CNTN4: variants seen among roughly 807,000 people sequenced by gnomAD.
CNTN4 encodes contactin 4.
A neutral mutation model predicts 122.5 loss-of-function variants in CNTN4; 77 were observed. That is an observed-to-expected ratio of 0.63 (90% CI 0.52 to 0.76). CNTN4 has a LOEUF of 0.76. Ranked by LOEUF, CNTN4 falls within the 30% of genes least tolerant of loss-of-function variation. CNTN4 has a pLI of 0.00. For synonymous variants in CNTN4, 512 were observed against 447.0 expected, an observed-to-expected ratio of 1.15 and a Z score of -1.83; for missense variants, 1,256 against 1,259.1, an observed-to-expected ratio of 1.00 and a Z score of 0.04.
chr3:2,947,979 A>C (rs2094697128), intron 13 of CNTN4, among the ~76,000 whole-genome samples: 1 of 151,372 alleles, frequency 6.6e-6, no homozygotes, highest in Admixed American at 6.6e-5. Context: ...TTGTTTATTC[A>C]ATTTAATTGT....
At chr3:2,675,132 A>T (rs1039302612) in intron 4 of CNTN4, among the ~76,000 whole-genome samples, 8 of 149,052 alleles carry the variant, frequency 5.4e-5, no homozygotes, top group East Asian at 3.9e-4. Context: ...ATATATATGT[A>T]TTTTTTTTTT....
At chr3:2,780,431 G>C (rs1304703722) in intron 6 of CNTN4, among the ~76,000 whole-genome samples, 1 of 152,076 alleles carries the variant, frequency 6.6e-6, no homozygotes, top group Non-Finnish European at 1.5e-5. Context: ...TCAATATAGA[G>C]GCATGTTCTC....
chr3:2,868,158 T>C (rs2093745043), intron 8 of CNTN4, among the ~76,000 whole-genome samples: 1 of 152,212 alleles, frequency 6.6e-6, no homozygotes, highest in African/African-American at 2.4e-5. Flanking sequence ...AGGAAACATC[T>C]ACTTGACACT....
chr3:2,630,272 C>CA lies in CNTN4; in HGVS notation c.55+58720dup, dbSNP rs149677818. 8.9e-3 allele frequency among the ~76,000 whole-genome samples: 1,355 copies of CA among 152,078 alleles called. 30 individuals are homozygous for CA. Among genetic ancestry groups the CA allele is most frequent in the African/African-American group, 0.031 (1,303 of 41,464 alleles). On this transcript the variant is annotated intron_variant, in intron 4 of 24. Transcript: ENST00000418658. The stretch of plus-strand genomic sequence containing the variant: ...CAACATGGTGAAACCCCATCTGTGC[C>CA]AAAAAATACAACAAAAATTAGCCAG...
At chr3:2,895,894 G>T (rs561004002) in intron 10 of CNTN4, among the ~76,000 whole-genome samples, 1 of 151,994 alleles carries the variant, frequency 6.6e-6, no homozygotes, top group Non-Finnish European at 1.5e-5. Context: ...TTAGCCGAGC[G>T]TGGTGGCGGG....
intron 7 of CNTN4, among the ~76,000 whole-genome samples, chr3:2,840,348 T>C (rs909495156): frequency 3.3e-5 from 5 of 152,026 alleles, no homozygotes; most frequent in Non-Finnish European, 5.9e-5. Flanking sequence ...TTTCTTTTCC[T>C]TTGTTCCTGC....
chr3:2,599,535 G>T (rs1211876938), intron 4 of CNTN4, among the ~76,000 whole-genome samples: 2 of 152,130 alleles, frequency 1.3e-5, no homozygotes, highest in African/African-American at 4.8e-5. Context: ...AGTCCCATGT[G>T]TGATTTTATT....
At chr3:2,445,811 T>G (rs1024338206) in intron 3 of CNTN4, among the ~76,000 whole-genome samples, 1 of 152,138 alleles carries the variant, frequency 6.6e-6, no homozygotes, top group Non-Finnish European at 1.5e-5. Flanking sequence ...CCAGAACCCA[T>G]CTCTCTCCAC....
intron 16 of CNTN4, among the ~76,000 whole-genome samples, chr3:3,031,395 G>C (rs953686405): frequency 2.6e-5 from 4 of 152,258 alleles, no homozygotes; most frequent in East Asian, 1.9e-4. Context: ...GTCATCATCA[G>C]GTTTATCCGA....
chr3:2,579,198 C>T (rs968743959), intron 4 of CNTN4, among the ~76,000 whole-genome samples: 21 of 152,184 alleles, frequency 1.4e-4, no homozygotes, highest in African/African-American at 4.8e-4. Context: ...CTGATAGAGT[C>T]TAGGGCGTAT....
chr3:2,925,832 TCTGTTATTAATAA>T, intron 13 of CNTN4, 53 bp downstream of exon 13: 1 of 1,495,552 alleles, frequency 6.7e-7, no homozygotes, highest in African/African-American at 1.4e-5. Flanking sequence ...AATGTGTTGG[TCTGTTATTAATAA>T]TTCTAAGGGG....
chr3:2,317,698 A>T (rs908439210), intron 2 of CNTN4, among the ~76,000 whole-genome samples: 1 of 152,202 alleles, frequency 6.6e-6, no homozygotes, highest in African/African-American at 2.4e-5. Context: ...CTGCTGTGAA[A>T]GAAATTGGAG....
At chr3:2,914,825 G>C (rs57756013) in intron 12 of CNTN4, among the ~76,000 whole-genome samples, 63,737 of 151,910 alleles carry the variant, frequency 0.42, 13,689 homozygotes, top group East Asian at 0.64. Context: ...AACAAGGACA[G>C]AAGAAAACTA....
Position 2,971,455 on chromosome 3 carries a change from T to A in CNTN4, c.1359-16890T>A, listed in dbSNP as rs149884773. Among the ~76,000 whole-genome samples, 595 of 152,292 alleles carry A rather than the reference T, an allele frequency of 3.9e-3. 5 individuals carry two copies. Among genetic ancestry groups the A allele is most frequent in the African/African-American group, 0.014 (573 of 41,568 alleles). On this transcript the variant is annotated intron_variant, in intron 13 of 24. Coordinates refer to ENST00000418658, the MANE Select transcript of CNTN4 (RefSeq NM_175607.3). ...TGATCTGGAATTCAGTGGTATACCA[T>A]AAGCTGGCAAGAAACCTGGCAAATT...
At chr3:2,133,669 C>G (rs2034553710) in intron 2 of CNTN4, among the ~76,000 whole-genome samples, 1 of 152,112 alleles carries the variant, frequency 6.6e-6, no homozygotes, top group Admixed American at 6.5e-5. Flanking sequence ...GAATTTTAAA[C>G]TGGACAAATG....
chr3:2,164,241 A>C (rs990641589), intron 2 of CNTN4, among the ~76,000 whole-genome samples: 5 of 152,056 alleles, frequency 3.3e-5, no homozygotes, highest in African/African-American at 1.2e-4. Context: ...GAAAAAAAAA[A>C]CAACAACAAA....
chr3:2,430,784 C>T (rs76323835), intron 3 of CNTN4, among the ~76,000 whole-genome samples: 99 of 152,216 alleles, frequency 6.5e-4, no homozygotes, highest in African/African-American at 2.2e-3. Flanking sequence ...GTTATTTTAG[C>T]ATTTATATTT....
chr3:2,329,131 A>T (rs1483928731), intron 2 of CNTN4, among the ~76,000 whole-genome samples: 2 of 152,364 alleles, frequency 1.3e-5, no homozygotes, highest in African/African-American at 4.8e-5. Context: ...TTACAAGCGT[A>T]ACATAAATAC....
intron 3 of CNTN4, among the ~76,000 whole-genome samples, chr3:2,545,398 A>T (rs1282810047): frequency 6.6e-6 from 1 of 152,062 alleles, no homozygotes; most frequent in Non-Finnish European, 1.5e-5. Context: ...TGTTGGGATC[A>T]GGTCCTGAAT....
Sources: allele counts gnomAD v4.1 joint callset (sites outside exome capture counted in the v4.1 genomes callset), GRCh38; gene constraint gnomAD v4.1.1; transcripts MANE v1.5; gene names NCBI Gene and HGNC (gene_info 2026-07-23, HGNC 2026-07-21).